EPB41L3: variants seen among roughly 807,000 people sequenced by gnomAD.
EPB41L3 encodes the protein band 4.1-like protein 3.
Under a neutral mutation model 127.1 loss-of-function variants are expected in EPB41L3, and 57 were observed. The ratio of observed to expected loss-of-function variants is 0.45; its 90% CI spans 0.36 to 0.56. EPB41L3 has a LOEUF of 0.56. Among genes scored for constraint, EPB41L3 ranks in the 20% least tolerant of loss-of-function variants. The probability of loss-of-function intolerance (pLI) is 0.00; values close to 1 mark genes in which losing one functional copy is unlikely to be tolerated. For synonymous variants in EPB41L3, 572 were observed against 549.5 expected (o/e 1.04, Z -0.57); for missense variants, 1,273 against 1,372.2 (o/e 0.93, Z 1.14).
intron 3 of EPB41L3, among the ~76,000 whole-genome samples, chr18:5,473,380 T>G (rs1264081252): frequency 6.6e-6 from 1 of 152,006 alleles, no homozygotes; most frequent in African/African-American, 2.4e-5. Context: ...ACAGGGCTTT[T>G]TGGGGAAACA....
At chr18:5,483,069 C>G (rs1230626270) in intron 2 of EPB41L3, among the ~76,000 whole-genome samples, 1 of 152,014 alleles carries the variant, frequency 6.6e-6, no homozygotes, top group Admixed American at 6.5e-5. Context: ...CTATCAAAAA[C>G]AATAATACCT....
chr18:5,499,918 T>C (rs2091585326), intron 1 of EPB41L3, among the ~76,000 whole-genome samples: 1 of 151,492 alleles, frequency 6.6e-6, no homozygotes. Context: ...GATCCTGTCA[T>C]TCTGTCACAG....
intron 3 of EPB41L3, among the ~76,000 whole-genome samples, chr18:5,551,787 A>C (rs781392856): frequency 6.6e-6 from 1 of 152,212 alleles, no homozygotes. Flanking sequence ...ATGTGGACTT[A>C]TACAATTCTC....
At chr18:5,482,345 T>C (rs1286535845) in intron 2 of EPB41L3, among the ~76,000 whole-genome samples, 1 of 151,220 alleles carries the variant, frequency 6.6e-6, no homozygotes, top group Non-Finnish European at 1.5e-5. Flanking sequence ...AGGAACAGAG[T>C]GCATACAAGG....
chr18:5,584,705 A>G (rs756999354), intron 3 of EPB41L3, among the ~76,000 whole-genome samples: 26 of 152,218 alleles, frequency 1.7e-4, no homozygotes, highest in Non-Finnish European at 3.8e-4. Context: ...AGTAAAATTG[A>G]TGCTTCTTTT....
intron 4 of EPB41L3, among the ~76,000 whole-genome samples, chr18:5,444,852 C>T (rs987814227): frequency 1.3e-5 from 2 of 152,062 alleles, no homozygotes; most frequent in African/African-American, 4.8e-5. Context: ...CCCAACCCCA[C>T]CCCGGCAAAA....
chr18:5,550,031 C>G (rs1456699125), intron 3 of EPB41L3, among the ~76,000 whole-genome samples: 1 of 152,150 alleles, frequency 6.6e-6, no homozygotes, highest in Non-Finnish European at 1.5e-5. Flanking sequence ...GTCCTGTTCC[C>G]AATTCCAGCA....
chr18:5,544,378 G>A, upstream of EPB41L3: 12 of 955,486 alleles, frequency 1.3e-5, no homozygotes, highest in Non-Finnish European at 1.5e-5. Flanking sequence ...TGACCTTCAG[G>A]TGAGTTATTT....
At chr18:5,404,191 C>T (rs75825357) in intron 16 of EPB41L3, among the ~76,000 whole-genome samples, 2,078 of 152,248 alleles carry the variant, frequency 0.014, 52 homozygotes, top group African/African-American at 0.048. Flanking sequence ...GATCCCTTTT[C>T]CCCTGGGACT....
chr18:5,489,585 G>A (rs72868424), intron 1 of EPB41L3, among the ~76,000 whole-genome samples: 2,980 of 152,224 alleles, frequency 0.02, 49 homozygotes, highest in Non-Finnish European at 0.033. Context: ...ATTTAATAAC[G>A]GAAGCAGACA....
At chr18:5,582,477 A>C (rs1412822009) in intron 3 of EPB41L3, among the ~76,000 whole-genome samples, 1 of 152,242 alleles carries the variant, frequency 6.6e-6, no homozygotes, top group African/African-American at 2.4e-5. Flanking sequence ...GGAGCCTACA[A>C]TTTAATTTCT....
At chr18:5,616,042 T>C (rs984120576) in intron 1 of EPB41L3, among the ~76,000 whole-genome samples, 4 of 152,112 alleles carry the variant, frequency 2.6e-5, no homozygotes, top group African/African-American at 7.2e-5. Flanking sequence ...ACTCCTTTCA[T>C]TCTCAGCAAT....
chr18:5,497,498 G>A (rs1396779453), intron 1 of EPB41L3, among the ~76,000 whole-genome samples: 1 of 152,188 alleles, frequency 6.6e-6, no homozygotes, highest in Non-Finnish European at 1.5e-5. Context: ...AAGCTGGTAG[G>A]ACAAAGCTCC....
chr18:5,396,276 T>C lies in EPB41L3; in HGVS notation c.2898A>G (p.Val966=). Residue 966 remains valine (V), a synonymous_variant, in exon 19 of 23, where the codon GTA becomes GTG. Coordinates refer to ENST00000341928, the MANE Select transcript of EPB41L3 (RefSeq NM_012307.5). ...CTTCCTTCGTGGAAATTTCTAGCTT[T>C]ACTCCTCCCGGTGAAACACTGCCAA... The part of the protein sequence containing the change: ...ISFGSVSPGG[V]KLEISTKEVP... 2 of 1,614,250 alleles carry C rather than the reference T, an allele frequency of 1.2e-6. No individual in the cohort carries two copies. The highest frequency in any genetic ancestry group is 1.6e-4 in the Middle Eastern group (1 of 6,062).
At chr18:5,398,785 C>T (rs914047311) in intron 16 of EPB41L3, 4 of 399,290 alleles carry the variant, frequency 1.0e-5, no homozygotes, top group Admixed American at 4.4e-5. Context: ...ACCTCACTCT[C>T]GGGCACTTGC....
intron 6 of EPB41L3, among the ~76,000 whole-genome samples, chr18:5,436,338 AAC>A (rs2079784727): frequency 6.6e-6 from 1 of 152,132 alleles, no homozygotes; most frequent in South Asian, 2.1e-4. Flanking sequence ...TTAAACATTT[AAC>A]AGCCTCAGCT....
intron 1 of EPB41L3, among the ~76,000 whole-genome samples, chr18:5,516,741 T>C (rs1300428585): frequency 2.0e-5 from 3 of 152,202 alleles, no homozygotes; most frequent in Non-Finnish European, 4.4e-5. Flanking sequence ...TTTAGCCCAC[T>C]ATATATTTGT....
intron 1 of EPB41L3, among the ~76,000 whole-genome samples, chr18:5,530,168 A>T (rs1489299481): frequency 6.6e-6 from 1 of 152,122 alleles, no homozygotes; most frequent in Non-Finnish European, 1.5e-5. Context: ...ACTTATGTGC[A>T]AAGTACTTAT....
intron 3 of EPB41L3, among the ~76,000 whole-genome samples, chr18:5,454,398 G>A (rs2082734044): frequency 6.6e-6 from 1 of 151,766 alleles, no homozygotes; most frequent in Admixed American, 6.6e-5. Context: ...CTGCCTTTTT[G>A]GGCTGTCTCA....
Sources: allele counts gnomAD v4.1 joint callset (sites outside exome capture counted in the v4.1 genomes callset), GRCh38; gene constraint gnomAD v4.1.1; transcripts MANE v1.5; gene names NCBI Gene and HGNC (gene_info 2026-07-23, HGNC 2026-07-21).